NCAM1: variants seen among roughly 807,000 people sequenced by gnomAD.
NCAM1 encodes the protein antigen recognized by monoclonal antibody 5.1H11.
In NCAM1, 14 loss-of-function variants were observed where a neutral mutation model predicts 109.8. The ratio of observed to expected loss-of-function variants is 0.13; its 90% CI spans 0.08 to 0.20. The LOEUF is 0.20. NCAM1 is among the 10% of genes least tolerant of loss of function. The pLI is 1.00. For synonymous variants in NCAM1, 418 were observed against 442.9 expected (o/e 0.94, Z 0.70); for missense variants, 774 against 1,109.9 (o/e 0.70, Z 4.30).
intron 1 of NCAM1, among the ~76,000 whole-genome samples, chr11:113,162,610 T>C (rs1262077730): frequency 2.6e-5 from 4 of 152,202 alleles, no homozygotes; most frequent in South Asian, 2.1e-4. Context: ...TTTTAATGGA[T>C]TTTTGAGATA....
intron 1 of NCAM1, among the ~76,000 whole-genome samples, chr11:113,057,891 A>G (rs962459676): frequency 3.3e-5 from 5 of 152,272 alleles, no homozygotes; most frequent in Middle Eastern, 6.8e-3. Flanking sequence ...GCCCCACTTT[A>G]TGGCCTGGCA....
At chr11:112,998,513 G>A (rs557223408) in intron 1 of NCAM1, among the ~76,000 whole-genome samples, 2 of 152,182 alleles carry the variant, frequency 1.3e-5, no homozygotes, top group South Asian at 2.1e-4. Context: ...AAAAATCCTA[G>A]GTGTAAGCGT....
At chr11:113,000,072 C>A (rs78866874) in intron 1 of NCAM1, among the ~76,000 whole-genome samples, 1 of 151,908 alleles carries the variant, frequency 6.6e-6, no homozygotes, top group Non-Finnish European at 1.5e-5. Flanking sequence ...GTAGACCTGG[C>A]CTGATATTCT....
Position 113,207,313 on chromosome 11 carries a change from C to G in NCAM1, c.681C>G (p.Leu227=). The change falls in exon 6 of 20, where the codon CTC becomes CTG. Residue 227 remains leucine, a synonymous_variant. Coordinates refer to ENST00000316851, the MANE Select transcript of NCAM1 (RefSeq NM_181351.5). ...RQNIVNATAN[L]GQSVTLVCDA... ...ATATTGTGAATGCCACCGCCAACCT[C>G]GGCCAGTCCGTCACCCTGGTGTGCG... 6.2e-7 allele frequency: 1 copy of G among 1,614,008 alleles called. No homozygotes were observed. Among genetic ancestry groups the G allele is most frequent in the Non-Finnish European group, 8.5e-7 (1 of 1,179,880 alleles).
intron 16 of NCAM1, among the ~76,000 whole-genome samples, chr11:113,259,306 C>T (rs1311660116): frequency 6.6e-6 from 1 of 152,120 alleles, no homozygotes; most frequent in Non-Finnish European, 1.5e-5. Context: ...CCGCCTCGGC[C>T]TCCCAAAGTG....
At chr11:113,263,151 G>T (rs1946055693) in intron 17 of NCAM1, 1 of 1,201,366 alleles carries the variant, frequency 8.3e-7, no homozygotes, top group Non-Finnish European at 1.0e-6. Context: ...CTTTTTAATG[G>T]CAGTAAAAAG....
intron 4 of NCAM1, 130 bp from the exon 5 acceptor site, chr11:113,205,913 C>T (rs1032194277): frequency 8.2e-7 from 1 of 1,215,958 alleles, no homozygotes; most frequent in Non-Finnish European, 1.2e-6. Context: ...GCCAGGGACG[C>T]ATTTTCTTAT....
intron 1 of NCAM1, among the ~76,000 whole-genome samples, chr11:113,189,545 G>A (rs1213160525): frequency 6.6e-6 from 1 of 151,988 alleles, no homozygotes; most frequent in Non-Finnish European, 1.5e-5. Context: ...CTTGGTTTGT[G>A]TTTGTTTCTC....
rs534140619 is a variant in NCAM1 at position 113,060,992 on chromosome 11, C to T, written c.52+99328C>T. Among the ~76,000 whole-genome samples the T allele has an allele frequency of 2.0e-5, 3 of 152,150 alleles. No homozygotes were observed. In the East Asian group the frequency reaches 5.8e-4, roughly 29 times the overall value. Reference sequence around the variant, plus strand: ...AATACCATTTTGTTAGCTAGAGGCCCTATGCTCTGTAACGAATCTCCAGAA... The same window carrying T: ...AATACCATTTTGTTAGCTAGAGGCCTTATGCTCTGTAACGAATCTCCAGAA... On this transcript the variant is annotated intron_variant, in intron 1 of 19. Coordinates refer to ENST00000316851, the MANE Select transcript of NCAM1 (RefSeq NM_181351.5).
intron 1 of NCAM1, among the ~76,000 whole-genome samples, chr11:113,012,222 T>G (rs1344906839): frequency 6.6e-6 from 1 of 152,148 alleles, no homozygotes; most frequent in African/African-American, 2.4e-5. Flanking sequence ...TTTTGCCATA[T>G]TGGCCAGGCT....
chr11:113,262,273 A>C (rs1946028115), intron 17 of NCAM1, among the ~76,000 whole-genome samples: 1 of 152,220 alleles, frequency 6.6e-6, no homozygotes, highest in African/African-American at 2.4e-5. Flanking sequence ...CATCTCTGAC[A>C]AGGCCATCCC....
chr11:113,199,829 T>TGAAAAAAAAAAAAAAAAAA lies in NCAM1; in HGVS notation c.53-2550_53-2549insGAAAAAAAAAAAAAAAAAA, dbSNP rs60389510. 7.3e-4 allele frequency among the ~76,000 whole-genome samples: 84 copies of TGAAAAAAAAAAAAAAAAAA among 115,774 alleles called. 5 individuals are homozygous for TGAAAAAAAAAAAAAAAAAA. Among genetic ancestry groups the TGAAAAAAAAAAAAAAAAAA allele is most frequent in the African/African-American group, 2.7e-3 (78 of 29,350 alleles). The allele number at this position is 115,774 out of a possible 152,430, so 76.0% of individuals were successfully genotyped here. Reference sequence around the variant, plus strand: ...GCAAATAAAGTAAAAGAAACACCCTTAAAAAAAAAAAAAAAAAAAACTTCT... The same window carrying TGAAAAAAAAAAAAAAAAAA: ...GCAAATAAAGTAAAAGAAACACCCTTGAAAAAAAAAAAAAAAAAAAAAAAAAAAAAAAAAAAAAACTTCT... On this transcript the variant is annotated intron_variant, in intron 1 of 19. Transcript: ENST00000316851.
intron 1 of NCAM1, among the ~76,000 whole-genome samples, chr11:113,019,756 T>G (rs1359697926): frequency 6.6e-6 from 1 of 152,220 alleles, no homozygotes; most frequent in Non-Finnish European, 1.5e-5. Flanking sequence ...ACATAAGATT[T>G]CATATGTCCA....
At chr11:113,219,591 G>A (rs1944627800) in intron 8 of NCAM1, among the ~76,000 whole-genome samples, 1 of 152,174 alleles carries the variant, frequency 6.6e-6, no homozygotes, top group South Asian at 2.1e-4. Flanking sequence ...TCACCAAATT[G>A]TTAGGGCCGA....
chr11:113,234,957 C>A lies in NCAM1; in HGVS notation c.1694-76C>A, dbSNP rs535323877. The stretch of plus-strand genomic sequence containing the variant: ...AATCTACAGTTAATTTTTTCAGGAC[C>A]CTCCCTACTGTTTTTCAGAGCGGCT... On this transcript the variant is annotated intron_variant, in intron 13 of 19. Coordinates refer to ENST00000316851, the MANE Select transcript of NCAM1 (RefSeq NM_181351.5). 6.4e-4 allele frequency: 939 copies of A among 1,461,344 alleles called. 6 individuals are homozygous for A. In the South Asian group the frequency reaches 7.9e-3, roughly 12 times the overall value. 90.5% of individuals were successfully genotyped at this position (1,461,344 alleles called of 1,614,324 possible).
chr11:113,076,101 G>C (rs969296062), intron 1 of NCAM1, among the ~76,000 whole-genome samples: 1 of 152,226 alleles, frequency 6.6e-6, no homozygotes, highest in African/African-American at 2.4e-5. Flanking sequence ...ACTGACAAGT[G>C]TCTAGAGAGG....
chr11:113,180,625 C>T (rs1035224471), intron 1 of NCAM1, among the ~76,000 whole-genome samples: 1 of 152,178 alleles, frequency 6.6e-6, no homozygotes, highest in African/African-American at 2.4e-5. Context: ...AGTTTTTCTT[C>T]CACTCTACTC....
intron 1 of NCAM1, among the ~76,000 whole-genome samples, chr11:113,101,374 C>G (rs553352231): frequency 6.6e-6 from 1 of 152,208 alleles, no homozygotes; most frequent in South Asian, 2.1e-4. Flanking sequence ...CACCGCTGAG[C>G]GTGTGACCTT....
intron 1 of NCAM1, among the ~76,000 whole-genome samples, chr11:112,979,877 C>G (rs1199838794): frequency 1.3e-5 from 2 of 151,622 alleles, no homozygotes; most frequent in Non-Finnish European, 3.0e-5. Context: ...ATTGTGTAGA[C>G]TTCATAAGTA....
Sources: allele counts gnomAD v4.1 joint callset (sites outside exome capture counted in the v4.1 genomes callset), GRCh38; gene constraint gnomAD v4.1.1; transcripts MANE v1.5; gene names NCBI Gene and HGNC (gene_info 2026-07-23, HGNC 2026-07-21).